The following ARHGAP32 variants were observed in gnomAD, a reference collection of about 807,000 sequenced individuals.
The protein encoded by ARHGAP32 is rho GTPase-activating protein 32.
Under a neutral mutation model 186.5 loss-of-function variants are expected in ARHGAP32, and 51 were observed. The observed-to-expected ratio is 0.27, with a 90% CI of 0.22 to 0.35. ARHGAP32 has a LOEUF of 0.35. ARHGAP32 is among the 10% of genes least tolerant of loss of function. The probability of loss-of-function intolerance (pLI) is 1.00; values close to 1 mark genes in which losing one functional copy is unlikely to be tolerated. For missense variants in ARHGAP32, 2,186 were observed against 2,623.5 expected, an observed-to-expected ratio of 0.83 and a Z score of 3.64; for synonymous variants, 950 against 964.3, an observed-to-expected ratio of 0.99 and a Z score of 0.27.
chr11:128,976,680 A>T, intron 19 of ARHGAP32, 46 bp from the exon 20 acceptor site: 7 of 1,500,992 alleles, frequency 4.7e-6, no homozygotes, highest in Non-Finnish European at 6.5e-6. Flanking sequence ...TATTTGTTAC[A>T]TATGTGGTTA....
Position 129,041,000 on chromosome 11 carries a change from A to G in ARHGAP32, c.973T>C (p.Phe325Leu). The G allele has an allele frequency of 6.3e-7, 1 of 1,595,782 alleles. No homozygotes were observed. The highest frequency in any genetic ancestry group is 1.1e-5 in the South Asian group (1 of 87,522). ...RGKHGFQVGLFPGHCVELINQ... is the reference protein window; with the variant it reads ...RGKHGFQVGLLPGHCVELINQ... ...ATTAACTCAACACAGTGTCCAGGGAAGAGTCCCACCTGATGAAAAGCAACA... is the reference window on the plus strand; with the variant it reads ...ATTAACTCAACACAGTGTCCAGGGAGGAGTCCCACCTGATGAAAAGCAACA... The change falls in exon 11 of 23, where the codon TTC becomes CTC. Residue 325 changes from phenylalanine to leucine, a missense_variant. Physicochemically the swap from Phe to Leu is conservative, Grantham distance 22. This residue lies in a region of ARHGAP32 where 308 missense variants were observed against 596.5 expected (regional missense o/e 0.52). Coordinates refer to ENST00000682385, the MANE Select transcript of ARHGAP32 (RefSeq NM_001378024.1).
intron 1 of ARHGAP32, among the ~76,000 whole-genome samples, chr11:129,213,272 G>T (rs1209152929): frequency 6.6e-6 from 1 of 152,112 alleles, no homozygotes; most frequent in Admixed American, 6.6e-5. Context: ...CACCGAAAAT[G>T]GACAAAATCA....
intron 2 of ARHGAP32, among the ~76,000 whole-genome samples, chr11:129,149,885 A>T (rs1164035643): frequency 1.3e-5 from 2 of 152,106 alleles, no homozygotes; most frequent in East Asian, 3.8e-4. Context: ...ATGTAAAGAA[A>T]TTTTTTTAGA....
chr11:129,173,999 C>T (rs539609076), intron 1 of ARHGAP32, among the ~76,000 whole-genome samples: 6 of 152,346 alleles, frequency 3.9e-5, no homozygotes, highest in Non-Finnish European at 8.8e-5. Flanking sequence ...ACGCAGAAGA[C>T]GGGTGATTTC....
chr11:129,047,405 C>A (rs1939856129), intron 10 of ARHGAP32, among the ~76,000 whole-genome samples: 1 of 152,180 alleles, frequency 6.6e-6, no homozygotes, highest in Admixed American at 6.5e-5. Flanking sequence ...GACATCCCAT[C>A]CCCTTCACAT....
chr11:129,199,906 C>A (rs866694724), intron 1 of ARHGAP32, among the ~76,000 whole-genome samples: 1 of 152,184 alleles, frequency 6.6e-6, no homozygotes, highest in Non-Finnish European at 1.5e-5. Flanking sequence ...GCTAAAGGGG[C>A]AGAGCTGCCC....
intron 12 of ARHGAP32, among the ~76,000 whole-genome samples, chr11:128,989,553 C>CACACACACACACAT (rs1555065837): frequency 6.6e-6 from 1 of 150,512 alleles, no homozygotes; most frequent in Non-Finnish European, 1.5e-5. Flanking sequence ...CACACACACA[C>CACACACACACACAT]ACATACATAT....
At chr11:129,030,577 A>T (rs756613136) in intron 11 of ARHGAP32, 1 of 152,174 alleles carries the variant, frequency 6.6e-6, no homozygotes, top group Non-Finnish European at 1.5e-5. Flanking sequence ...TCTTAAAGAA[A>T]AAAAAAAGGT....
At position 129,029,267 on chromosome 11, in the gene ARHGAP32, CAGAG is replaced by C. The variant is rs773043041; in HGVS notation, c.1045+11657_1045+11660del. ...AAAAGGAATTAAATTTTTGTTTTGA[CAGAG>C]AGAACAAAAATCTTTATGTCTATTC... On this transcript the variant is annotated intron_variant, in intron 11 of 22. Coordinates refer to ENST00000682385, the MANE Select transcript of ARHGAP32 (RefSeq NM_001378024.1). Among the ~76,000 whole-genome samples the C allele has an allele frequency of 1.3e-3, 191 of 152,250 alleles. 1 individual carries two copies. The highest frequency in any genetic ancestry group is 2.1e-3 in the Non-Finnish European group (140 of 68,024).
At chr11:129,072,551 C>T (rs888022331) in intron 6 of ARHGAP32, among the ~76,000 whole-genome samples, 3 of 152,146 alleles carry the variant, frequency 2.0e-5, no homozygotes, top group Non-Finnish European at 2.9e-5. Flanking sequence ...ATCACTATCC[C>T]CCTCCCAAAT....
intron 3 of ARHGAP32, among the ~76,000 whole-genome samples, chr11:129,124,333 C>T (rs1942607042): frequency 6.6e-6 from 1 of 152,148 alleles, no homozygotes; most frequent in Admixed American, 6.5e-5. Flanking sequence ...CATGTTGGCA[C>T]TCAAAAAGTT....
chr11:129,268,535 T>C (rs1184376441), intron 1 of ARHGAP32, among the ~76,000 whole-genome samples: 1 of 151,734 alleles, frequency 6.6e-6, no homozygotes, highest in Non-Finnish European at 1.5e-5. Flanking sequence ...AGCGGCAATA[T>C]GAAGATATAG....
chr11:129,199,024 G>A (rs1362051716), intron 1 of ARHGAP32, among the ~76,000 whole-genome samples: 1 of 152,176 alleles, frequency 6.6e-6, no homozygotes, highest in South Asian at 2.1e-4. Flanking sequence ...AAAGAGACTG[G>A]TGGCATTTTG....
Position 128,970,467 on chromosome 11 carries a change from G to A in ARHGAP32, c.4746C>T (p.Thr1582=). 1 of 1,614,172 alleles carries A rather than the reference G, an allele frequency of 6.2e-7. No individual in the cohort carries two copies. The highest frequency in any genetic ancestry group is 1.1e-5 in the South Asian group (1 of 91,078). ...VSSLSSSVRN[T]CYPEDIPPYP... ...ACGGTGGAATGTCTTCGGGGTAACA[G>A]GTATTCCTGACAGAGGAGCTCAAAG... Residue 1582 remains threonine, a synonymous_variant, in exon 23 of 23, where the codon ACC becomes ACT. Coordinates refer to ENST00000682385, the MANE Select transcript of ARHGAP32 (RefSeq NM_001378024.1). The surrounding 1 kb of genome is among the most constrained non-coding windows in gnomAD (Gnocchi z 5.8).
At chr11:129,019,737 C>T (rs1331684010) in intron 11 of ARHGAP32, among the ~76,000 whole-genome samples, 2 of 151,942 alleles carry the variant, frequency 1.3e-5, no homozygotes, top group Non-Finnish European at 2.9e-5. Context: ...GTTAGCAATC[C>T]TATTTGAAGA....
upstream of ARHGAP32, among the ~76,000 whole-genome samples, chr11:129,193,966 A>G (rs1432189122): frequency 6.6e-6 from 1 of 151,364 alleles, no homozygotes; most frequent in Non-Finnish European, 1.5e-5. Context: ...GAGCAAAAAT[A>G]TAATACTCAG....
At chr11:129,245,180 C>G (rs1420186553) in intron 1 of ARHGAP32, among the ~76,000 whole-genome samples, 1 of 132,288 alleles carries the variant, frequency 7.6e-6, no homozygotes, top group Admixed American at 8.2e-5. Flanking sequence ...TTCACAATAG[C>G]AAAGACTTGG....
chr11:128,982,515 G>A (rs1045727065), intron 15 of ARHGAP32, among the ~76,000 whole-genome samples: 11 of 150,440 alleles, frequency 7.3e-5, no homozygotes, highest in South Asian at 2.1e-4. Context: ...GTGTCTGTGC[G>A]CATGCACACA....
At chr11:129,087,709 G>A (rs1300420819) in intron 6 of ARHGAP32, among the ~76,000 whole-genome samples, 1 of 152,118 alleles carries the variant, frequency 6.6e-6, no homozygotes, top group Non-Finnish European at 1.5e-5. Flanking sequence ...ACACCTCCAA[G>A]AGTAAACCCT....
Sources: allele counts gnomAD v4.1 joint callset (sites outside exome capture counted in the v4.1 genomes callset), GRCh38; gene constraint gnomAD v4.1.1; regional missense constraint gnomAD v4.1.1; non-coding constraint Gnocchi (gnomAD v3.1); transcripts MANE v1.5; gene names NCBI Gene and HGNC (gene_info 2026-07-23, HGNC 2026-07-21).